The following RRBP1 variants were observed in gnomAD, a reference collection of about 807,000 sequenced individuals.
RRBP1 encodes the protein ribosome-binding protein 1.
Under a neutral mutation model 165.2 loss-of-function variants are expected in RRBP1, and 94 were observed. The ratio of observed to expected loss-of-function variants is 0.57; its 90% CI spans 0.48 to 0.68. The LOEUF is 0.68. Among genes scored for constraint, RRBP1 ranks in the 30% least tolerant of loss-of-function variants. The probability of loss-of-function intolerance (pLI) is 0.00; values close to 1 mark genes in which losing one functional copy is unlikely to be tolerated. For synonymous variants in RRBP1, 680 were observed against 714.5 expected (o/e 0.95, Z 0.77); for missense variants, 1,676 against 1,763.0 (o/e 0.95, Z 0.88).
chr20:17,642,978 C>T lies in RRBP1; in HGVS notation c.2061+1G>A. ...CATGGCCAGCAGGAGGGTGGGCCCA[C>T]CTTGTGCCAGGTGTCCTGAATGATG... is the stretch of plus-strand genomic sequence containing the variant. On this transcript the variant is annotated splice_donor_variant, in intron 4 of 24. Transcript: ENST00000377813. LOFTEE classifies it high-confidence loss of function. 6.2e-7 allele frequency: 1 copy of T among 1,613,486 alleles called. No individual in the cohort carries two copies. Among genetic ancestry groups the T allele is most frequent in the Non-Finnish European group, 8.5e-7 (1 of 1,179,608 alleles).
intron 3 of RRBP1, among the ~76,000 whole-genome samples, chr20:17,650,032 T>G (rs2036528099): frequency 6.6e-6 from 1 of 152,090 alleles, no homozygotes; most frequent in South Asian, 2.1e-4. Context: ...AGCAACGTGT[T>G]CCTTGCTGCT....
At chr20:17,614,527 A>G (rs983268862) in intron 24 of RRBP1, among the ~76,000 whole-genome samples, 2 of 152,108 alleles carry the variant, frequency 1.3e-5, no homozygotes, top group African/African-American at 2.4e-5. Flanking sequence ...GGAACCCCAG[A>G]AGGGTGGGTG....
chr20:17,642,255 G>A (rs577999008), intron 4 of RRBP1, among the ~76,000 whole-genome samples: 96 of 152,344 alleles, frequency 6.3e-4, no homozygotes, highest in African/African-American at 2.2e-3. Context: ...CGTGCAGCCC[G>A]TAGGCCTCTG....
At chr20:17,620,561 C>G (rs1019836610) in intron 17 of RRBP1, 154 bp downstream of exon 17, 1 of 795,130 alleles carries the variant, frequency 1.3e-6, no homozygotes, top group African/African-American at 1.7e-5. Context: ...GGAGGACGGA[C>G]TGAGCTGTCA....
rs1406853011 is a variant in RRBP1 at position 17,616,800 on chromosome 20, C to T, written c.3799G>A (p.Asp1267Asn). 7 of 1,613,172 alleles carry T rather than the reference C, an allele frequency of 4.3e-6. No individual in the cohort carries two copies. Among genetic ancestry groups the T allele is most frequent in the Non-Finnish European group, 5.9e-6 (7 of 1,179,736 alleles). Residue 1267 changes from aspartate to asparagine, a missense_variant, in exon 21 of 25, where the codon GAT becomes AAT. Around this residue, in one of 5 missense-constraint regions of RRBP1, gnomAD observed 1,184 missense variants for 1,167.1 expected, o/e 1.01. Transcript: ENST00000377813. ...GCTGGGGCCCCAGCTATGTCACCATCCTCTACGTGGCTCTTCATTTCACTC... is the reference window on the plus strand; with the variant it reads ...GCTGGGGCCCCAGCTATGTCACCATTCTCTACGTGGCTCTTCATTTCACTC... ...QLSEMKSHVE[D>N]GDIAGAPASS... is the part of the protein sequence containing the mutation.
At chr20:17,657,220 C>T (rs76296937) in intron 3 of RRBP1, among the ~76,000 whole-genome samples, 2,333 of 152,320 alleles carry the variant, frequency 0.015, 86 homozygotes, top group East Asian at 0.073. Context: ...GAGGCCAGAG[C>T]GTCTGGGTTT....
At chr20:17,644,698 G>C (rs551985456) in intron 3 of RRBP1, among the ~76,000 whole-genome samples, 1 of 152,368 alleles carries the variant, frequency 6.6e-6, no homozygotes, top group East Asian at 1.9e-4. Flanking sequence ...CTGGGCACCA[G>C]CCATGTGTGG....
intron 5 of RRBP1, among the ~76,000 whole-genome samples, chr20:17,637,407 AG>A (rs749341330): frequency 1.6e-4 from 25 of 152,032 alleles, no homozygotes; most frequent in Non-Finnish European, 2.4e-4. Context: ...AACCATAGGG[AG>A]GCAGGGTGAC....
intron 9 of RRBP1, 69 bp from the exon 10 acceptor site, chr20:17,627,751 A>G (rs2036058063): frequency 1.4e-6 from 2 of 1,443,552 alleles, no homozygotes; most frequent in South Asian, 2.8e-5. Flanking sequence ...GGATGCCCTC[A>G]CTGCTGCCCT....
rs1255977048 is a variant in RRBP1, at chr20:17,620,341, C to T, written c.3537G>A (p.Glu1179=). Residue 1179 remains glutamate (E), a synonymous_variant, in exon 18 of 25, where the codon GAG becomes GAA. Coordinates refer to ENST00000377813, the MANE Select transcript of RRBP1 (RefSeq NM_001365613.2). The part of the protein sequence containing the change: ...KSRVTVKHLE[E]IVEKLKGELE... ...GTTCTCCTTTTAGCTTCTCTACAAT[C>T]TCTTCGAGATGCTTCACTGTGACCC... The T allele has an allele frequency of 8.7e-6, 14 of 1,613,956 alleles. No individual in the cohort carries two copies. The highest frequency in any genetic ancestry group is 1.2e-5 in the Non-Finnish European group (14 of 1,179,974).
chr20:17,638,648 T>C (rs2036291023), intron 5 of RRBP1, among the ~76,000 whole-genome samples: 1 of 152,148 alleles, frequency 6.6e-6, no homozygotes. Flanking sequence ...CAGGGTTCCT[T>C]CTGCTTGTCA....
intron 4 of RRBP1, 105 bp from the exon 5 acceptor site, chr20:17,642,024 G>C: frequency 7.8e-7 from 1 of 1,274,966 alleles, no homozygotes; most frequent in East Asian, 2.4e-5. Context: ...AAGTGGAGCA[G>C]GGGCTTCGAG....
intron 16 of RRBP1, among the ~76,000 whole-genome samples, chr20:17,621,161 GCT>G (rs2035905868): frequency 6.6e-6 from 1 of 152,196 alleles, no homozygotes; most frequent in Admixed American, 6.5e-5. Context: ...ACCTGGCATT[GCT>G]CTTAGTCACA....
chr20:17,618,180 G>A (rs146799162), intron 20 of RRBP1, among the ~76,000 whole-genome samples: 12 of 152,346 alleles, frequency 7.9e-5, no homozygotes, highest in South Asian at 2.1e-4. Context: ...CAGAAGGCAC[G>A]GGACTTGCTG....
chr20:17,615,481 T>C lies in RRBP1; in HGVS notation c.4000A>G (p.Thr1334Ala), dbSNP rs1343909181. ...RLQEELEKLR[T>A]AGPLESSETE... The stretch of plus-strand genomic sequence containing the variant: ...TCTGAAGACTCTAGGGGGCCGGCTG[T>C]GCGGAGCTTCTCCAATTCTTCTTGT... Residue 1334 changes from threonine to alanine, a missense_variant, in exon 23 of 25, where the codon ACA becomes GCA. Thr to Ala is a moderately conservative substitution (Grantham distance 58). This residue lies in a region of RRBP1 where 1,184 missense variants were observed against 1,167.1 expected (regional missense o/e 1.01). Coordinates refer to ENST00000377813, the MANE Select transcript of RRBP1 (RefSeq NM_001365613.2). The C allele has an allele frequency of 1.2e-6, 2 of 1,607,644 alleles. No homozygotes were observed. Among genetic ancestry groups the C allele is most frequent in the East Asian group, 2.2e-5 (1 of 44,474 alleles).
rs1206849835 is a variant in RRBP1, at chr20:17,642,006, G to A, written c.2062-87C>T. On this transcript the variant is annotated intron_variant, in intron 4 of 24. Coordinates refer to ENST00000377813, the MANE Select transcript of RRBP1 (RefSeq NM_001365613.2). ...CCCGGACAAGAGCAGAGGCCTGAGG[G>A]CTTGATGAAGTGGAGCAGGGGCTTC... 4.9e-6 allele frequency: 7 copies of A among 1,415,916 alleles called. No individual in the cohort carries two copies. In the East Asian group the frequency reaches 1.4e-4, roughly 28 times the overall value. The allele number at this position is 1,415,916 out of a possible 1,614,324, so 87.7% of individuals were successfully genotyped here. A position where few individuals can be genotyped will look rare whatever the true frequency, so the allele number is the denominator to read the frequency against.
chr20:17,617,764 G>A (rs947440665), intron 20 of RRBP1, among the ~76,000 whole-genome samples: 91 of 152,206 alleles, frequency 6.0e-4, no homozygotes, highest in African/African-American at 2.1e-3. Context: ...GCGTGTGCCG[G>A]ACTCACTGGC....
intron 2 of RRBP1, among the ~76,000 whole-genome samples, chr20:17,671,454 T>A (rs2036977827): frequency 6.6e-6 from 1 of 152,240 alleles, no homozygotes; most frequent in African/African-American, 2.4e-5. Flanking sequence ...ACACTAGGTG[T>A]GCAGGTCCAC....
At chr20:17,661,051 C>T (rs1466780363) in intron 2 of RRBP1, among the ~76,000 whole-genome samples, 1 of 152,020 alleles carries the variant, frequency 6.6e-6, no homozygotes, top group Non-Finnish European at 1.5e-5. Context: ...AAATTTTTCT[C>T]TCAACGTGAA....
Sources: allele counts gnomAD v4.1 joint callset (sites outside exome capture counted in the v4.1 genomes callset), GRCh38; gene constraint gnomAD v4.1.1; regional missense constraint gnomAD v4.1.1; transcripts MANE v1.5; gene names NCBI Gene and HGNC (gene_info 2026-07-23, HGNC 2026-07-21).